LIPK: variants seen among roughly 807,000 people sequenced by gnomAD.
LIPK encodes lipase member K.
Under a neutral mutation model 48.6 loss-of-function variants are expected in LIPK, and 32 were observed. The ratio of observed to expected loss-of-function variants is 0.66; its 90% CI spans 0.50 to 0.88. The LOEUF (loss-of-function observed/expected upper bound fraction) is 0.88, where lower values mean the gene tolerates loss of function less well. Ranked by LOEUF, LIPK falls within the 40% of genes least tolerant of loss-of-function variation. The pLI is 0.00. For synonymous variants in LIPK, 164 were observed against 157.4 expected (o/e 1.04, Z -0.32); for missense variants, 507 against 478.5 (o/e 1.06, Z -0.56).
At chr10:88,747,825 C>A (rs1047865406) in intron 9 of LIPK, among the ~76,000 whole-genome samples, 5 of 152,148 alleles carry the variant, frequency 3.3e-5, no homozygotes, top group African/African-American at 4.8e-5. Flanking sequence ...TGAATTAATT[C>A]AACCATTGTG....
intron 1 of LIPK, 50 bp from the exon 2 acceptor site, chr10:88,724,483 C>A: frequency 8.9e-7 from 1 of 1,128,856 alleles, no homozygotes; most frequent in Non-Finnish European, 1.3e-6. Flanking sequence ...CCAAATTTCA[C>A]TTCGTAGAAT....
intron 3 of LIPK, among the ~76,000 whole-genome samples, chr10:88,729,736 A>G (rs1590145268): frequency 1.3e-5 from 2 of 152,298 alleles, no homozygotes; most frequent in Middle Eastern, 3.4e-3. Context: ...CAAATGGTGG[A>G]AAAATGGACA....
chr10:88,730,449 C>T (rs1156634014), intron 3 of LIPK, among the ~76,000 whole-genome samples: 1 of 152,048 alleles, frequency 6.6e-6, no homozygotes, highest in Admixed American at 6.5e-5. Context: ...CCACCATGCC[C>T]GGCTAGTTTT....
rs1036850432 is a variant in LIPK, at chr10:88,731,414, A to AGT, written c.422+244_422+245dup. 5.3e-5 allele frequency among the ~76,000 whole-genome samples: 8 copies of AGT among 151,934 alleles called. No homozygotes were observed. The East Asian group carries it at 7.7e-4, about 15-fold the overall frequency. On this transcript the variant is annotated intron_variant, in intron 4 of 9. Transcript: ENST00000404190. ...CCGTCCTGGTGTCTGCGTGTGAGTG[A>AGT]GTGTGTGTGTGTATGTTCTGGGGGA...
At position 88,721,220 on chromosome 10, in the gene LIPK, G is replaced by A. The variant is rs117650630; in HGVS notation, c.-11-3313G>A. Among the ~76,000 whole-genome samples, 19 of 152,274 alleles carry A rather than the reference G, an allele frequency of 1.2e-4. No homozygotes were observed. The East Asian group carries it at 3.7e-3, about 29-fold the overall frequency. On this transcript the variant is annotated intron_variant, in intron 1 of 9. Transcript: ENST00000404190. ...ATATATGAACCAGCAGAATGTCGAT[G>A]TGGGACACATGAGAAGGCAATATTC...
At position 88,718,397 on chromosome 10, in the gene LIPK, C is replaced by T. The variant is rs1289108565; in HGVS notation, c.-11-6136C>T. Among the ~76,000 whole-genome samples, 4 of 149,742 alleles carry T rather than the reference C, an allele frequency of 2.7e-5. No individual in the cohort carries two copies. The South Asian group carries it at 6.3e-4, about 23-fold the overall frequency. ...ATATTATATATATAAATTTTTATCC[C>T]ATTTGTCATGTCTTCCTTGGGCTGT... On this transcript the variant is annotated intron_variant, in intron 1 of 9. Transcript: ENST00000404190.
At chr10:88,741,561 A>G (rs1293461394) in intron 8 of LIPK, among the ~76,000 whole-genome samples, 2 of 152,176 alleles carry the variant, frequency 1.3e-5, no homozygotes, top group Non-Finnish European at 2.9e-5. Flanking sequence ...GACTTCTCTT[A>G]AGAAAAACTT....
intron 3 of LIPK, among the ~76,000 whole-genome samples, chr10:88,727,300 C>A (rs549242617): frequency 6.6e-6 from 1 of 152,342 alleles, no homozygotes; most frequent in South Asian, 2.1e-4. Flanking sequence ...TTCTAAATTT[C>A]TCCCTAATCT....
At position 88,721,845 on chromosome 10, in the gene LIPK, C is replaced by T. The variant is rs140363656; in HGVS notation, c.-11-2688C>T. On this transcript the variant is annotated intron_variant, in intron 1 of 9. Coordinates refer to ENST00000404190, the MANE Select transcript of LIPK (RefSeq NM_001080518.2). ...TTGAGAGAGAAGACCAATTTTTACA[C>T]ATTTCCCTACTACTTTGCCATAAAA... 2.0e-3 allele frequency among the ~76,000 whole-genome samples: 303 copies of T among 152,336 alleles called. 3 individuals are homozygous for T. The highest frequency in any genetic ancestry group is 6.8e-3 in the African/African-American group (284 of 41,578).
intron 9 of LIPK, among the ~76,000 whole-genome samples, chr10:88,744,800 C>T (rs1408976078): frequency 2.0e-5 from 3 of 152,246 alleles, no homozygotes; most frequent in Non-Finnish European, 4.4e-5. Context: ...ATGACAGATA[C>T]ACAGTTCAGA....
chr10:88,729,255 G>GGGGC (rs1554955640), intron 3 of LIPK, among the ~76,000 whole-genome samples: 1 of 123,226 alleles, frequency 8.1e-6, no homozygotes, highest in Non-Finnish European at 1.8e-5. Context: ...TATCTGTTGG[G>GGGGC]GGGGGGGGGC....
chr10:88,752,101 A>G (rs969229784), intron 9 of LIPK, among the ~76,000 whole-genome samples: 1 of 152,178 alleles, frequency 6.6e-6, no homozygotes, highest in African/African-American at 2.4e-5. Context: ...CTCCCTGAAG[A>G]GTCTGCTGAT....
At chr10:88,727,475 A>G (rs1442523274) in intron 3 of LIPK, 2 of 161,806 alleles carry the variant, frequency 1.2e-5, no homozygotes, top group Admixed American at 1.3e-4. Context: ...GCTCCCACCT[A>G]GCAACAGCAT....
At chr10:88,724,385 G>A (rs902732671) in intron 1 of LIPK, among the ~76,000 whole-genome samples, 148 bp from the exon 2 acceptor site, 1 of 152,134 alleles carries the variant, frequency 6.6e-6, no homozygotes, top group Admixed American at 6.5e-5. Context: ...TGGAATGAAT[G>A]TTGTATAATT....
intron 2 of LIPK, 55 bp from the exon 3 acceptor site, chr10:88,726,740 T>G: frequency 1.2e-6 from 1 of 843,674 alleles, no homozygotes; most frequent in Non-Finnish European, 2.0e-6. Context: ...GTAATTCATG[T>G]GTAAAAATTA....
chr10:88,724,603 T>C lies in LIPK; in HGVS notation c.60T>C (p.Tyr20=). 6.2e-7 allele frequency: 1 copy of C among 1,607,774 alleles called. No individual in the cohort carries two copies. Among genetic ancestry groups the C allele is most frequent in the Non-Finnish European group, 8.5e-7 (1 of 1,177,988 alleles). ...TTCTTCTTGGATCTATGTATGGTTA[T>C]GACAAGAAAGGAAACAATGCAAACC... The part of the protein sequence containing the change: ...WMLLLGSMYG[Y]DKKGNNANPE... The change falls in exon 2 of 10, where the codon TAT becomes TAC. Residue 20 remains tyrosine, a synonymous_variant. Transcript: ENST00000404190.
At chr10:88,732,371 A>G in intron 5 of LIPK, 44 bp from the exon 6 acceptor site, 1 of 1,597,346 alleles carries the variant, frequency 6.3e-7, no homozygotes, top group African/African-American at 1.4e-5. Context: ...AAATGAACAA[A>G]TAATTATCTG....
rs1842880823 is a variant in LIPK at position 88,752,519 on chromosome 10, TAC to T, written c.966_967del (p.Pro323SerfsTer7). 5.2e-6 allele frequency: 8 copies of T among 1,540,828 alleles called. No individual in the cohort carries two copies. The highest frequency in any genetic ancestry group is 7.0e-6 in the Non-Finnish European group (8 of 1,135,392). ...DQNMMHFHQL[T>X]PPLYNITKME... ...TCTCTCTCTTTTATTGTATTTAGCTTACACCTCCTTTATACAACATTACTAAG... is the reference window on the plus strand; with the variant it reads ...TCTCTCTCTTTTATTGTATTTAGCTTACCTCCTTTATACAACATTACTAAG... On this transcript the variant is annotated frameshift_variant, in exon 10 of 10. Transcript: ENST00000404190. LOFTEE classifies it high-confidence loss of function.
At chr10:88,729,257 G>GGGC (rs1564981704) in intron 3 of LIPK, among the ~76,000 whole-genome samples, 1 of 28,766 alleles carries the variant, frequency 3.5e-5, no homozygotes, top group Non-Finnish European at 5.3e-5. Flanking sequence ...TCTGTTGGGG[G>GGGC]GGGGGGGCGG....
Sources: allele counts gnomAD v4.1 joint callset (sites outside exome capture counted in the v4.1 genomes callset), GRCh38; gene constraint gnomAD v4.1.1; transcripts MANE v1.5; gene names NCBI Gene and HGNC (gene_info 2026-07-23, HGNC 2026-07-21).